Variants in GABRB3 observed in about 807,000 individuals in gnomAD.
The protein encoded by GABRB3 is gamma-aminobutyric acid receptor subunit beta-3.
Under a neutral mutation model 52.1 loss-of-function variants are expected in GABRB3, and 14 were observed. The ratio of observed to expected loss-of-function variants is 0.27; its 90% CI spans 0.18 to 0.42. The LOEUF is 0.42. GABRB3 is among the 10% of genes least tolerant of loss of function. The pLI, the probability that GABRB3 is intolerant of heterozygous loss-of-function variation, is 1.00. For missense variants in GABRB3, 307 were observed against 609.1 expected (o/e 0.50, Z 5.22); for synonymous variants, 260 against 232.3 (o/e 1.12, Z -1.08).
At chr15:26,747,501 ATTT>A (rs1890380195) in intron 3 of GABRB3, among the ~76,000 whole-genome samples, 1 of 152,318 alleles carries the variant, frequency 6.6e-6, no homozygotes, top group Non-Finnish European at 1.5e-5. Flanking sequence ...TTATGTCTTT[ATTT>A]TAATCTCAGT....
intron 3 of GABRB3, among the ~76,000 whole-genome samples, chr15:26,726,212 C>T (rs1889767281): frequency 6.6e-6 from 1 of 151,948 alleles, no homozygotes; most frequent in South Asian, 2.1e-4. Flanking sequence ...TTGTTGGTAT[C>T]ATGTCAGCAC....
At chr15:26,572,102 G>A (rs548992680) in intron 6 of GABRB3, among the ~76,000 whole-genome samples, 13 of 150,782 alleles carry the variant, frequency 8.6e-5, no homozygotes, top group East Asian at 7.8e-4. Flanking sequence ...AAAATGTTCC[G>A]GTATCCGGCG....
rs185327213 is a variant in GABRB3, at chr15:26,754,399, C to A, written c.240+18003G>T. Among the ~76,000 whole-genome samples the A allele has an allele frequency of 8.5e-5, 13 of 152,246 alleles. No individual in the cohort carries two copies. In the East Asian group the frequency reaches 2.5e-3, roughly 29 times the overall value. Reference sequence around the variant, plus strand: ...GGAGAAATGTGAAGTCCCTTCTGAGCAGATTTCACCAAGGTGCTGCTTTTC... The same window carrying A: ...GGAGAAATGTGAAGTCCCTTCTGAGAAGATTTCACCAAGGTGCTGCTTTTC... On this transcript the variant is annotated intron_variant, in intron 3 of 8. Transcript: ENST00000311550.
At chr15:26,649,669 T>TGTGTGTGTGTGTGC (rs1887134171) in intron 3 of GABRB3, among the ~76,000 whole-genome samples, 1 of 150,564 alleles carries the variant, frequency 6.6e-6, no homozygotes. Flanking sequence ...TGTGTGTGTG[T>TGTGTGTGTGTGTGC]GTGTGTGTGT....
At chr15:26,654,970 C>T (rs1351844936) in intron 3 of GABRB3, among the ~76,000 whole-genome samples, 1 of 152,074 alleles carries the variant, frequency 6.6e-6, no homozygotes, top group East Asian at 1.9e-4. Flanking sequence ...GTAGCTAAGA[C>T]TGTCACCATG....
At chr15:26,713,709 G>A (rs971995479) in intron 3 of GABRB3, among the ~76,000 whole-genome samples, 11 of 152,356 alleles carry the variant, frequency 7.2e-5, no homozygotes, top group African/African-American at 2.2e-4. Context: ...TCGTGGGTGG[G>A]AGACAGCATG....
intron 4 of GABRB3, among the ~76,000 whole-genome samples, chr15:26,606,067 C>T (rs185905479): frequency 1.8e-3 from 256 of 146,192 alleles, no homozygotes; most frequent in African/African-American, 6.4e-3. Flanking sequence ...ACGAGAACAG[C>T]AAGGGGGAAA....
At chr15:26,721,819 A>G (rs1441761897) in intron 3 of GABRB3, among the ~76,000 whole-genome samples, 2 of 151,884 alleles carry the variant, frequency 1.3e-5, no homozygotes, top group Non-Finnish European at 2.9e-5. Flanking sequence ...AGACACCAAG[A>G]AAGAGCCAGG....
chr15:26,620,664 T>C (rs957362278), intron 4 of GABRB3, among the ~76,000 whole-genome samples: 5 of 152,124 alleles, frequency 3.3e-5, no homozygotes, highest in Admixed American at 1.3e-4. Context: ...TTTAGCAAGG[T>C]GATATTCAAA....
Position 26,583,434 on chromosome 15 carries a change from G to A in GABRB3, c.462-20C>T. Reference sequence around the variant, plus strand: ...GTGATTCTGAAATACACAGGGTGAGGGAAGATATTAAAGAAGGGCTGAGAA... The same window carrying A: ...GTGATTCTGAAATACACAGGGTGAGAGAAGATATTAAAGAAGGGCTGAGAA... On this transcript the variant is annotated intron_variant, in intron 4 of 8. Transcript: ENST00000311550. 1 of 1,597,712 alleles carries A rather than the reference G, an allele frequency of 6.3e-7. No individual in the cohort carries two copies. The highest frequency in any genetic ancestry group is 1.1e-5 in the South Asian group (1 of 90,740).
intron 6 of GABRB3, among the ~76,000 whole-genome samples, chr15:26,569,998 C>T (rs758215766): frequency 2.6e-5 from 4 of 152,148 alleles, no homozygotes; most frequent in African/African-American, 4.8e-5. Context: ...ATATGCTAAT[C>T]CTCGCTTGTA....
chr15:26,714,128 G>A (rs1035570091), intron 3 of GABRB3, among the ~76,000 whole-genome samples: 3 of 152,198 alleles, frequency 2.0e-5, no homozygotes, highest in African/African-American at 7.2e-5. Context: ...ATATTTAGAC[G>A]TCTGAGCTAC....
chr15:26,760,790 AAC>A (rs1221504374), intron 3 of GABRB3, among the ~76,000 whole-genome samples: 3 of 101,302 alleles, frequency 3.0e-5, no homozygotes, highest in Non-Finnish European at 6.2e-5. Flanking sequence ...TCTAAATGCC[AAC>A]ACACACACAC....
rs942355738 is a variant in GABRB3 at position 26,621,444 on chromosome 15, G to A, written c.331C>T (p.Arg111Ter). 6.2e-7 allele frequency: 1 copy of A among 1,614,094 alleles called. No homozygotes were observed. The highest frequency in any genetic ancestry group is 8.5e-7 in the Non-Finnish European group (1 of 1,179,986). The change falls in exon 4 of 9, where the codon CGA (arginine) becomes TGA (stop). Residue 111 changes from arginine (R) to a stop codon, truncating the protein, a stop_gained. Coordinates refer to ENST00000311550, the MANE Select transcript of GABRB3 (RefSeq NM_000814.6). LOFTEE classifies it high-confidence loss of function. This position sits in a 1 kb window ranked among gnomAD's most constrained non-coding sequence, Gnocchi z 4.1. ...GIPLNLTLDN[R>*]VADQLWVPDT... ...GGCACCCATAGCTGGTCAGCCACTC[G>A]ATTGTCAAGCGTGAGGTTGAGAGGG...
Position 26,604,314 on chromosome 15 carries a change from T to C in GABRB3, c.461+17000A>G, listed in dbSNP as rs550039513. 9.2e-5 allele frequency among the ~76,000 whole-genome samples: 14 copies of C among 152,272 alleles called. No homozygotes were observed. The South Asian group carries it at 2.7e-3, about 29-fold the overall frequency. ...ATTCCATGTTCATGGATTGGAAGAA[T>C]CATTATTGTTAAAATGTCCATATTA... On this transcript the variant is annotated intron_variant, in intron 4 of 8. Transcript: ENST00000311550.
intron 3 of GABRB3, among the ~76,000 whole-genome samples, chr15:26,685,003 A>T (rs1377352917): frequency 6.6e-6 from 1 of 152,240 alleles, no homozygotes; most frequent in Non-Finnish European, 1.5e-5. Context: ...CTCAGTTGGT[A>T]AAAAACACAG....
Position 26,554,161 on chromosome 15 carries a change from G to A in GABRB3, c.1081-6027C>T, listed in dbSNP as rs1225476435. ...TATATAAAGTATATATATATATAAA[G>A]TATATATATATAAAGTATATATATA... On this transcript the variant is annotated intron_variant, in intron 8 of 8. Coordinates refer to ENST00000311550, the MANE Select transcript of GABRB3 (RefSeq NM_000814.6). Among the ~76,000 whole-genome samples the A allele has an allele frequency of 6.5e-3, 138 of 21,252 alleles. 5 individuals carry two copies. Among genetic ancestry groups the A allele is most frequent in the African/African-American group, 0.013 (129 of 9,868 alleles). The allele number at this position is 21,252 out of a possible 152,430, so 13.9% of individuals were successfully genotyped here.
chr15:26,622,269 T>C (rs1892511140), intron 3 of GABRB3, among the ~76,000 whole-genome samples: 1 of 152,172 alleles, frequency 6.6e-6, no homozygotes, highest in African/African-American at 2.4e-5. Context: ...ATCCACGTGA[T>C]GGTTCTGCTT....
At chr15:26,629,437 TC>T (rs1892848207) in intron 3 of GABRB3, among the ~76,000 whole-genome samples, 1 of 152,184 alleles carries the variant, frequency 6.6e-6, no homozygotes, top group Non-Finnish European at 1.5e-5. Context: ...ACAGGCTGTC[TC>T]CTGGCACTGG....
Sources: gnomAD v4.1 joint callset for allele counts (sites outside exome capture counted in the v4.1 genomes callset) on GRCh38, gnomAD v4.1.1 for gene constraint, Gnocchi (gnomAD v3.1) non-coding constraint, MANE v1.5 for transcripts, NCBI Gene and HGNC (gene_info 2026-07-23, HGNC 2026-07-21) for gene names.